The following NPFFR1 variants were observed in gnomAD, a reference collection of about 807,000 sequenced individuals.
The protein encoded by NPFFR1 is G-protein coupled receptor 147.
Under a neutral mutation model 12.7 loss-of-function variants are expected in NPFFR1, and 17 were observed. The observed-to-expected ratio is 1.34, with a 90% CI of 0.92 to 2.01. NPFFR1 has a LOEUF of 2.01. Ranked by LOEUF, NPFFR1 falls within the 30% of genes most tolerant of loss-of-function variation. NPFFR1 has a pLI of 0.00. For synonymous variants in NPFFR1, 296 were observed against 264.5 expected (o/e 1.12, Z -1.16); for missense variants, 604 against 606.5 (o/e 1.00, Z 0.04).
At chr10:70,271,819 T>TG (rs1409327438) in intron 1 of NPFFR1, among the ~76,000 whole-genome samples, 11 of 151,772 alleles carry the variant, frequency 7.2e-5, no homozygotes, top group Admixed American at 7.2e-4. Flanking sequence ...GAAGTGCGAA[T>TG]GAGAAAAAAA....
intron 2 of NPFFR1, among the ~76,000 whole-genome samples, chr10:70,264,520 A>G (rs1840669694): frequency 6.6e-6 from 1 of 151,648 alleles, no homozygotes; most frequent in Admixed American, 6.6e-5. Flanking sequence ...GTTGGTGAAA[A>G]TAGTGAGAAA....
chr10:70,266,187 T>C lies in NPFFR1; in HGVS notation c.212A>G (p.Asn71Ser), dbSNP rs771666182. ...GTTGGTGACAGTATGCATGTGCCGG[T>C]TCTTGAGCACGATGAAACAGACCAG... is the stretch of plus-strand genomic sequence containing the variant. ...NTLVCFIVLK[N>S]RHMHTVTNMF... is the part of the protein sequence containing the mutation. Residue 71 changes from asparagine to serine, a missense_variant, in exon 2 of 4, where the codon AAC becomes AGC. By Grantham distance (46) the Asn-to-Ser change is conservative (BLOSUM62 1). Transcript: ENST00000277942. 3 of 1,613,812 alleles carry C rather than the reference T, an allele frequency of 1.9e-6. No homozygotes were observed. The highest frequency in any genetic ancestry group is 2.5e-6 in the Non-Finnish European group (3 of 1,179,890).
At position 70,283,756 on chromosome 10, in the gene NPFFR1, GTCTCCGGGCAC is replaced by G; in HGVS notation, c.-91_-81del. The G allele has an allele frequency of 6.8e-7, 1 of 1,476,932 alleles. No individual in the cohort carries two copies. The allele number at this position is 1,476,932 out of a possible 1,614,324, so 91.5% of individuals were successfully genotyped here. A position where few individuals can be genotyped will look rare whatever the true frequency, so the allele number is the denominator to read the frequency against. ...CTTCGGGCCAGCGGGCAGAGGGACG[GTCTCCGGGCAC>G]TTGGTTGCGGGCTGCGCCCCTGCCT... On this transcript the variant is annotated 5_prime_UTR_variant, in exon 1 of 4. Coordinates refer to ENST00000277942, the MANE Select transcript of NPFFR1 (RefSeq NM_022146.5).
At chr10:70,273,708 T>C (rs1840772860) in intron 1 of NPFFR1, among the ~76,000 whole-genome samples, 1 of 152,234 alleles carries the variant, frequency 6.6e-6, no homozygotes, top group African/African-American at 2.4e-5. Flanking sequence ...TCTTCTGCTT[T>C]GGATTTGCCT....
chr10:70,258,727 T>A (rs1840602529), intron 3 of NPFFR1, among the ~76,000 whole-genome samples: 1 of 152,190 alleles, frequency 6.6e-6, no homozygotes, highest in Non-Finnish European at 1.5e-5. Flanking sequence ...ACCTGAAGAA[T>A]GTCCAGTCAA....
intron 1 of NPFFR1, among the ~76,000 whole-genome samples, chr10:70,280,869 G>A (rs141589250): frequency 0.016 from 2,417 of 152,164 alleles, 62 homozygotes; most frequent in African/African-American, 0.048. Context: ...AGGCATGATG[G>A]CACATGCCTG....
At chr10:70,266,031 A>G (rs1564595293) in intron 2 of NPFFR1, 46 bp downstream of exon 2, 1 of 1,529,316 alleles carries the variant, frequency 6.5e-7, no homozygotes, top group Admixed American at 1.7e-5. Flanking sequence ...TGAGAAGTTG[A>G]AGTGGGGGGT....
Position 70,253,858 on chromosome 10 carries a change from G to A in NPFFR1, c.*1099C>T, listed in dbSNP as rs1840536296. The A allele has an allele frequency of 6.6e-6, 1 of 152,404 alleles. No homozygotes were observed. The highest frequency in any genetic ancestry group is 1.5e-5 in the Non-Finnish European group (1 of 68,246). 9.4% of individuals were successfully genotyped at this position (152,404 alleles called of 1,614,324 possible). ...TCTTCAAGTTGATGCAGGGGTGTTG[G>A]GGGAAAGCCAGAGTAAACAGGGCTC... On this transcript the variant is annotated 3_prime_UTR_variant, in exon 4 of 4. Transcript: ENST00000277942.
chr10:70,278,804 A>T (rs770728403), intron 1 of NPFFR1, among the ~76,000 whole-genome samples: 2 of 152,228 alleles, frequency 1.3e-5, no homozygotes, highest in Non-Finnish European at 2.9e-5. Flanking sequence ...TGTTTTGGAA[A>T]TATTATTTAG....
chr10:70,260,109 T>C (rs1326856895), intron 3 of NPFFR1, among the ~76,000 whole-genome samples: 1 of 152,220 alleles, frequency 6.6e-6, no homozygotes, highest in Admixed American at 6.5e-5. Flanking sequence ...TTTGGCCACA[T>C]GATAGATTTA....
intron 2 of NPFFR1, among the ~76,000 whole-genome samples, chr10:70,264,689 G>A (rs533804598): frequency 2.0e-5 from 3 of 152,278 alleles, no homozygotes; most frequent in South Asian, 4.1e-4. Context: ...GCTTGCACTC[G>A]CATAAAATAG....
At chr10:70,277,616 C>T (rs1840816698) in intron 1 of NPFFR1, among the ~76,000 whole-genome samples, 1 of 152,224 alleles carries the variant, frequency 6.6e-6, no homozygotes, top group Non-Finnish European at 1.5e-5. Flanking sequence ...GCCACTTCCC[C>T]ATAGCTGTGC....
At chr10:70,281,921 T>C (rs78919916) in intron 1 of NPFFR1, among the ~76,000 whole-genome samples, 5,616 of 152,306 alleles carry the variant, frequency 0.037, 165 homozygotes, top group East Asian at 0.077. Context: ...GTCTCCTAAG[T>C]GTACACTGTG....
intron 1 of NPFFR1, among the ~76,000 whole-genome samples, chr10:70,271,589 A>G (rs2136804892): frequency 6.6e-6 from 1 of 152,338 alleles, no homozygotes; most frequent in African/African-American, 2.4e-5. Flanking sequence ...GACCTAGGGT[A>G]GGTCATGTCA....
At position 70,254,866 on chromosome 10, in the gene NPFFR1, C is replaced by T; in HGVS notation, c.*91G>A. 2 of 1,316,224 alleles carry T rather than the reference C, an allele frequency of 1.5e-6. No individual in the cohort carries two copies. The highest frequency in any genetic ancestry group is 1.9e-6 in the Non-Finnish European group (2 of 1,030,506). The allele number at this position is 1,316,224 out of a possible 1,614,324, so 81.5% of individuals were successfully genotyped here. A position where few individuals can be genotyped will look rare whatever the true frequency, so the allele number is the denominator to read the frequency against. On this transcript the variant is annotated 3_prime_UTR_variant, in exon 4 of 4. Transcript: ENST00000277942. ...CTCTGGAGAGGGAGGGACCACGCAT[C>T]CTCACCTAACCACACCAGGCCGCTA...
intron 1 of NPFFR1, among the ~76,000 whole-genome samples, chr10:70,273,236 C>T (rs1269431035): frequency 6.6e-6 from 1 of 152,030 alleles, no homozygotes; most frequent in Non-Finnish European, 1.5e-5. Context: ...TGTTCAGGCA[C>T]TGGTATTTTT....
At chr10:70,265,970 G>C (rs1589912554) in intron 2 of NPFFR1, 107 bp downstream of exon 2, 2 of 1,085,270 alleles carry the variant, frequency 1.8e-6, no homozygotes, top group East Asian at 2.4e-5. Context: ...TGGCCAAGAG[G>C]CCAGCCCAGC....
intron 1 of NPFFR1, among the ~76,000 whole-genome samples, chr10:70,272,785 C>T (rs1430144842): frequency 1.3e-5 from 2 of 152,116 alleles, no homozygotes; most frequent in Admixed American, 1.3e-4. Flanking sequence ...GTGAGGGACC[C>T]GCCCCCAGAT....
At chr10:70,278,983 CA>C (rs1281488359) in intron 1 of NPFFR1, among the ~76,000 whole-genome samples, 1 of 151,938 alleles carries the variant, frequency 6.6e-6, no homozygotes, top group Non-Finnish European at 1.5e-5. Context: ...TGCAAATTGA[CA>C]ATTTATAATT....
Sources: gnomAD v4.1 joint callset for allele counts (sites outside exome capture counted in the v4.1 genomes callset) on GRCh38, gnomAD v4.1.1 for gene constraint, MANE v1.5 for transcripts, NCBI Gene and HGNC (gene_info 2026-07-23, HGNC 2026-07-21) for gene names.